DMD: variants seen among roughly 807,000 people sequenced by gnomAD.
The protein encoded by DMD is dystrophin, also known as mutant dystrophin.
In DMD, 63 loss-of-function variants were observed where a neutral mutation model predicts 330.1. That is an observed-to-expected ratio of 0.19 (90% CI 0.16 to 0.24). DMD has a LOEUF of 0.24. DMD is among the 10% of genes least tolerant of loss of function. The pLI is 1.00. For synonymous variants in DMD, 1,223 were observed against 959.8 expected, an observed-to-expected ratio of 1.27 and a Z score of -5.07; for missense variants, 3,344 against 2,684.1, an observed-to-expected ratio of 1.25 and a Z score of -5.43.
At chrX:32,719,018 C>A (rs1247769177) in intron 7 of DMD, among the ~76,000 whole-genome samples, 2 of 111,604 alleles carry the variant, frequency 1.8e-5, no homozygotes, top group Non-Finnish European at 3.8e-5. Flanking sequence ...GCAAAATAGT[C>A]TGATTCAATT....
intron 2 of DMD, among the ~76,000 whole-genome samples, chrX:32,968,284 C>A (rs34898471): frequency 0.044 from 4,789 of 109,068 alleles, 144 homozygotes; most frequent in East Asian, 0.22. Flanking sequence ...TTTAACACCA[C>A]TGAAAGTTTT....
chrX:31,807,853 T>C (rs929323310), intron 50 of DMD, among the ~76,000 whole-genome samples: 3 of 111,973 alleles, frequency 2.7e-5, no homozygotes, highest in Non-Finnish European at 3.8e-5. Flanking sequence ...ATGTTTAACA[T>C]AAAGGTAAAA....
chrX:31,763,146 T>A (rs1255950255), intron 51 of DMD, among the ~76,000 whole-genome samples: 3 of 112,595 alleles, frequency 2.7e-5, no homozygotes, highest in Non-Finnish European at 5.6e-5. Flanking sequence ...AATAACAATC[T>A]AAAAAGTCAA....
intron 49 of DMD, among the ~76,000 whole-genome samples, chrX:31,822,653 G>GTGT (rs1556919106): frequency 0.027 from 1,805 of 65,789 alleles, 40 homozygotes; most frequent in South Asian, 0.045. Flanking sequence ...AAGGCAGAGG[G>GTGT]GTGTGTGTGT....
chrX:32,674,504 G>A (rs1166025040), intron 9 of DMD, among the ~76,000 whole-genome samples: 1 of 111,482 alleles, frequency 9.0e-6, no homozygotes, highest in Non-Finnish European at 1.9e-5. Context: ...TCTACTCTCT[G>A]ATGGCACAGT....
At chrX:32,332,134 A>G (rs764553610) in intron 41 of DMD, among the ~76,000 whole-genome samples, 74 of 111,974 alleles carry the variant, frequency 6.6e-4, no homozygotes, top group Non-Finnish European at 7.5e-4. Context: ...GCAAGTTTTC[A>G]TTCTAAGCAC....
intron 1 of DMD, among the ~76,000 whole-genome samples, chrX:33,158,925 C>T (rs1199906478): frequency 1.8e-5 from 2 of 111,928 alleles, no homozygotes; most frequent in East Asian, 5.6e-4. Context: ...ATCATGATAA[C>T]ATTCCCTCAT....
At chrX:32,681,655 A>G (rs2062433946) in intron 9 of DMD, among the ~76,000 whole-genome samples, 1 of 112,024 alleles carries the variant, frequency 8.9e-6, no homozygotes, top group African/African-American at 3.2e-5. Flanking sequence ...ACTGGGGCAT[A>G]TAAAAGAAAC....
At chrX:32,159,889 C>A (rs768124058) in intron 44 of DMD, among the ~76,000 whole-genome samples, 14 of 111,821 alleles carry the variant, frequency 1.3e-4, no homozygotes, top group Non-Finnish European at 2.3e-4. Context: ...GAATCTCAGA[C>A]AATACCCCAG....
intron 77 of DMD, among the ~76,000 whole-genome samples, chrX:31,128,339 G>T (rs2034015551): frequency 9.0e-6 from 1 of 111,458 alleles, no homozygotes; most frequent in Admixed American, 9.5e-5. Flanking sequence ...AATACTGGCT[G>T]AAGTGAATTG....
chrX:33,256,011 G>A (rs2052851113), intron 1 of DMD, among the ~76,000 whole-genome samples: 1 of 111,402 alleles, frequency 9.0e-6, no homozygotes, highest in African/African-American at 3.2e-5. Flanking sequence ...ATGGGTTTGA[G>A]TGAAAGTTTA....
At chrX:32,911,781 A>C (rs751924865) in intron 2 of DMD, among the ~76,000 whole-genome samples, 1 of 111,894 alleles carries the variant, frequency 8.9e-6, no homozygotes, top group East Asian at 2.8e-4. Flanking sequence ...CAATTTTAAA[A>C]ATAATTTGGC....
intron 7 of DMD, among the ~76,000 whole-genome samples, chrX:32,701,369 G>A (rs112882917): frequency 0.074 from 8,236 of 111,427 alleles, 743 homozygotes; most frequent in African/African-American, 0.25. Context: ...ATCAACAGAT[G>A]GTCAAAGTAA....
intron 1 of DMD, among the ~76,000 whole-genome samples, chrX:33,056,696 C>T (rs2094522355): frequency 9.0e-6 from 1 of 111,447 alleles, no homozygotes; most frequent in African/African-American, 3.3e-5. Flanking sequence ...TTCATTCATT[C>T]GTTCGTTCAT....
chrX:32,480,450 C>T (rs1367957416), intron 21 of DMD, among the ~76,000 whole-genome samples: 2 of 104,325 alleles, frequency 1.9e-5, no homozygotes, highest in African/African-American at 8.1e-5. Context: ...TGTGTACATA[C>T]ACAGTATGTG....
At chrX:32,785,201 A>C (rs1356157985) in intron 7 of DMD, among the ~76,000 whole-genome samples, 2 of 99,119 alleles carry the variant, frequency 2.0e-5, no homozygotes, top group Non-Finnish European at 4.0e-5. Context: ...CTATAAAAGC[A>C]TTAAAAAAAA....
chrX:32,907,330 TATC>T (rs1195790522), intron 2 of DMD, among the ~76,000 whole-genome samples: 1 of 112,462 alleles, frequency 8.9e-6, no homozygotes, highest in East Asian at 2.8e-4. Context: ...TCTGAAAACT[TATC>T]ATATTGATTT....
intron 17 of DMD, among the ~76,000 whole-genome samples, chrX:32,524,240 G>T (rs1029507795): frequency 2.4e-4 from 27 of 111,854 alleles, no homozygotes; most frequent in African/African-American, 8.4e-4. Flanking sequence ...GGCCCCAGAA[G>T]AAATCTTGTA....
chrX:32,524,772 T>A (rs1379948008), intron 17 of DMD, among the ~76,000 whole-genome samples: 1 of 112,288 alleles, frequency 8.9e-6, no homozygotes, highest in Non-Finnish European at 1.9e-5. Flanking sequence ...CTCATTCAAT[T>A]TTTTGTCTGA....
Sources: allele counts gnomAD v4.1 joint callset (sites outside exome capture counted in the v4.1 genomes callset), GRCh38; gene constraint gnomAD v4.1.1; transcripts MANE v1.5; gene names NCBI Gene and HGNC (gene_info 2026-07-23, HGNC 2026-07-21).